KCNB2: variants seen among roughly 807,000 people sequenced by gnomAD.
The protein encoded by KCNB2 is potassium voltage-gated channel subfamily B member 2.
KCNB2 carries 15 observed loss-of-function variants against 61.5 expected under a neutral mutation model. The observed-to-expected ratio is 0.24, with a 90% CI of 0.16 to 0.38. KCNB2 has a LOEUF of 0.38. Ranked by LOEUF, KCNB2 falls within the 10% of genes least tolerant of loss-of-function variation. The pLI, the probability that KCNB2 is intolerant of heterozygous loss-of-function variation, is 1.00. For missense variants in KCNB2, 828 were observed against 1,125.2 expected, an observed-to-expected ratio of 0.74 and a Z score of 3.78; for synonymous variants, 457 against 446.0, an observed-to-expected ratio of 1.02 and a Z score of -0.31.
chr8:72,911,611 T>C (rs951406058), intron 2 of KCNB2, among the ~76,000 whole-genome samples: 9 of 152,208 alleles, frequency 5.9e-5, no homozygotes, highest in African/African-American at 2.2e-4. Flanking sequence ...AGCCAGGACT[T>C]TCCAGCTGTC....
chr8:72,723,280 A>C (rs1007516563), intron 2 of KCNB2, among the ~76,000 whole-genome samples: 2 of 152,220 alleles, frequency 1.3e-5, no homozygotes, highest in Non-Finnish European at 2.9e-5. Flanking sequence ...ATGCATGCTG[A>C]GAGTATGCTT....
chr8:72,662,095 A>G (rs1585814123), intron 2 of KCNB2, among the ~76,000 whole-genome samples: 1 of 152,132 alleles, frequency 6.6e-6, no homozygotes, highest in Non-Finnish European at 1.5e-5. Context: ...GCTTAAAGTA[A>G]ACTTCCAATG....
At chr8:72,622,995 G>A (rs889031154) in intron 2 of KCNB2, among the ~76,000 whole-genome samples, 1 of 152,062 alleles carries the variant, frequency 6.6e-6, no homozygotes, top group Non-Finnish European at 1.5e-5. Flanking sequence ...ACAAGGGAGT[G>A]GGCCCCAAAT....
intron 2 of KCNB2, among the ~76,000 whole-genome samples, chr8:72,862,825 T>C (rs973786437): frequency 6.6e-6 from 1 of 152,236 alleles, no homozygotes; most frequent in African/African-American, 2.4e-5. Context: ...GCCCTTATTA[T>C]GTGCTAGGAG....
At position 72,567,702 on chromosome 8, in the gene KCNB2, G is replaced by C. The variant is rs778119906; in HGVS notation, c.-33G>C. 6.9e-7 allele frequency: 1 copy of C among 1,444,120 alleles called. No individual in the cohort carries two copies. Among genetic ancestry groups the C allele is most frequent in the Non-Finnish European group, 9.3e-7 (1 of 1,078,054 alleles). The allele number at this position is 1,444,120 out of a possible 1,614,324, so 89.5% of individuals were successfully genotyped here. ...TGCTTCAGTTGACCTCATTTTTTAA[G>C]GACCCTGGCTCTGCGGCTTTGTCCA... is the stretch of plus-strand genomic sequence containing the variant. On this transcript the variant is annotated 5_prime_UTR_variant, in exon 2 of 3. Transcript: ENST00000523207.
chr8:72,701,638 A>T (rs1001871125), intron 2 of KCNB2, among the ~76,000 whole-genome samples: 13 of 152,202 alleles, frequency 8.5e-5, no homozygotes, highest in African/African-American at 2.9e-4. Context: ...CATTATCAAT[A>T]CTATTTTTAA....
intron 2 of KCNB2, among the ~76,000 whole-genome samples, chr8:72,670,956 C>T (rs1806554257): frequency 1.3e-5 from 2 of 152,326 alleles, no homozygotes; most frequent in South Asian, 4.1e-4. Flanking sequence ...ACCTCTCTCT[C>T]CTTTAAATTC....
At chr8:72,832,046 T>C in intron 2 of KCNB2, among the ~76,000 whole-genome samples, 1 of 152,182 alleles carries the variant, frequency 6.6e-6, no homozygotes, top group East Asian at 1.9e-4. Context: ...ATTTGGCTGA[T>C]CCTTAAAGGC....
intron 2 of KCNB2, among the ~76,000 whole-genome samples, chr8:72,730,519 G>C (rs1317399137): frequency 6.6e-6 from 1 of 151,994 alleles, no homozygotes; most frequent in Non-Finnish European, 1.5e-5. Flanking sequence ...TTCATAATAA[G>C]GCAGTAACTC....
chr8:72,895,517 G>A (rs1805976389), intron 2 of KCNB2, among the ~76,000 whole-genome samples: 1 of 152,164 alleles, frequency 6.6e-6, no homozygotes, highest in Non-Finnish European at 1.5e-5. Context: ...TGAGATCCAT[G>A]TCAGACTTTT....
chr8:72,737,669 A>G (rs1402535578), intron 2 of KCNB2, among the ~76,000 whole-genome samples: 6 of 152,294 alleles, frequency 3.9e-5, no homozygotes, highest in Admixed American at 2.6e-4. Flanking sequence ...TAAATTTATT[A>G]GTACTAACTA....
chr8:72,719,928 A>G (rs1339779329), intron 2 of KCNB2, among the ~76,000 whole-genome samples: 1 of 152,224 alleles, frequency 6.6e-6, no homozygotes, highest in Non-Finnish European at 1.5e-5. Context: ...TAAGATGGCC[A>G]GTCTTTCCTG....
At chr8:72,588,467 A>AACCCCAGGTGATCCGCCC (rs1420038614) in intron 2 of KCNB2, among the ~76,000 whole-genome samples, 5 of 151,868 alleles carry the variant, frequency 3.3e-5, no homozygotes, top group Non-Finnish European at 7.4e-5. Flanking sequence ...GTGATCCGCC[A>AACCCCAGGTGATCCGCCC]ACCCCAGGTG....
intron 2 of KCNB2, among the ~76,000 whole-genome samples, chr8:72,739,219 A>G (rs1433959203): frequency 1.3e-5 from 2 of 151,798 alleles, no homozygotes; most frequent in South Asian, 2.1e-4. Context: ...TCTGCCTACC[A>G]TCTGTCTCCT....
In KCNB2 at chr8:72,914,906, C is replaced by CT. The variant is rs369558325; in HGVS notation, c.580-21013dup. ...AAAGATAAGATAAATGACTAATCTTCTTTTTTTTTTTTTTTTGAGACAGAG... is the reference window on the plus strand; with the variant it reads ...AAAGATAAGATAAATGACTAATCTTCTTTTTTTTTTTTTTTTTGAGACAGAG... On this transcript the variant is annotated intron_variant, in intron 2 of 2. Transcript: ENST00000523207. Among the ~76,000 whole-genome samples the CT allele has an allele frequency of 7.3e-3, 992 of 136,228 alleles. 2 individuals carry two copies. The highest frequency in any genetic ancestry group is 0.017 in the African/African-American group (608 of 35,812). The allele number at this position is 136,228 out of a possible 152,430, so 89.4% of individuals were successfully genotyped here. A position where few individuals can be genotyped will look rare whatever the true frequency, so the allele number is the denominator to read the frequency against.
chr8:72,673,020 A>G lies in KCNB2; in HGVS notation c.579+104707A>G, dbSNP rs565910606. ...AAAGAGTTAAACATAACATTACCAT[A>G]TGATCCAGCAATCTCACCTCTGGGT... On this transcript the variant is annotated intron_variant, in intron 2 of 2. Transcript: ENST00000523207. Among the ~76,000 whole-genome samples the G allele has an allele frequency of 2.0e-5, 3 of 152,362 alleles. No homozygotes were observed. In the South Asian group the frequency reaches 6.2e-4, roughly 32 times the overall value.
At chr8:72,797,675 G>A (rs1809053551) in intron 2 of KCNB2, among the ~76,000 whole-genome samples, 1 of 152,200 alleles carries the variant, frequency 6.6e-6, no homozygotes, top group Non-Finnish European at 1.5e-5. Flanking sequence ...AACCCATGCT[G>A]ACAAAGCTTA....
chr8:72,935,900 G>A (rs1806894174), intron 2 of KCNB2, 35 bp from the exon 3 acceptor site: 1 of 1,505,062 alleles, frequency 6.6e-7, no homozygotes, highest in Non-Finnish European at 9.2e-7. Context: ...AAGCAACTAA[G>A]AGGATTTGCT....
chr8:72,776,663 G>A (rs1808659304), intron 2 of KCNB2, among the ~76,000 whole-genome samples: 1 of 152,194 alleles, frequency 6.6e-6, no homozygotes, highest in African/African-American at 2.4e-5. Context: ...TAGGCCTGAG[G>A]CAGATGAATC....
Sources: allele counts gnomAD v4.1 joint callset (sites outside exome capture counted in the v4.1 genomes callset), GRCh38; gene constraint gnomAD v4.1.1; transcripts MANE v1.5; gene names NCBI Gene and HGNC (gene_info 2026-07-23, HGNC 2026-07-21).